ALDH1A3: variants seen among roughly 807,000 people sequenced by gnomAD.
ALDH1A3 encodes the protein aldehyde dehydrogenase 1 family member A3.
In ALDH1A3, 28 loss-of-function variants were observed where a neutral mutation model predicts 57.5. That is an observed-to-expected ratio of 0.49 (90% confidence interval 0.36 to 0.67). The LOEUF (loss-of-function observed/expected upper bound fraction) is 0.67. Ranked by LOEUF, ALDH1A3 falls within the 30% of genes least tolerant of loss-of-function variation. ALDH1A3 has a pLI of 0.00. For synonymous variants in ALDH1A3, 281 were observed against 264.8 expected, an observed-to-expected ratio of 1.06 and a Z score of -0.59; for missense variants, 507 against 669.4, an observed-to-expected ratio of 0.76 and a Z score of 2.68.
rs1243735544 is a variant in ALDH1A3 at position 100,916,421 on chromosome 15, T to C, written c.*1648T>C. The stretch of plus-strand genomic sequence containing the variant: ...GTAGAGTTATTGTATCTTTTTATAG[T>C]TGTAAGTACACAGAGGTGGTATATT... On this transcript the variant is annotated 3_prime_UTR_variant, in exon 13 of 13. Transcript: ENST00000329841. 6.6e-6 allele frequency: 1 copy of C among 152,586 alleles called. No individual in the cohort carries two copies. Among genetic ancestry groups the C allele is most frequent in the Non-Finnish European group, 1.5e-5 (1 of 68,042 alleles). 9.5% of individuals were successfully genotyped at this position (152,586 alleles called of 1,614,324 possible). A position where few individuals can be genotyped will look rare whatever the true frequency, so the allele number is the denominator to read the frequency against.
At chr15:100,885,065 T>A (rs575339685) in intron 1 of ALDH1A3, among the ~76,000 whole-genome samples, 2 of 152,286 alleles carry the variant, frequency 1.3e-5, no homozygotes, top group South Asian at 4.1e-4. Context: ...GAATTTCGAG[T>A]CTGTCCTAGT....
rs376734166 is a variant in ALDH1A3 at position 100,913,378 on chromosome 15, G to T, written c.1467-1323G>T. ...TTCCTTTTTGGAGGTTCTCAGGAGA[G>T]AATCTACTTCCTTGCCTTTTCCATC... On this transcript the variant is annotated intron_variant, in intron 12 of 12. Transcript: ENST00000329841. 2.7e-4 allele frequency: 41 copies of T among 152,358 alleles called. 1 individual carries two copies. Among genetic ancestry groups the T allele is most frequent in the African/African-American group, 9.4e-4 (39 of 41,578 alleles). The allele number at this position is 152,358 out of a possible 1,614,324, so 9.4% of individuals were successfully genotyped here. A position where few individuals can be genotyped will look rare whatever the true frequency, so the allele number is the denominator to read the frequency against.
intron 1 of ALDH1A3, 81 bp from the exon 2 acceptor site, chr15:100,885,186 A>G: frequency 1.0e-6 from 1 of 965,136 alleles, no homozygotes; most frequent in East Asian, 2.4e-5. Context: ...GATGGATAAG[A>G]CGTCACCTAA....
At chr15:100,880,396 A>C in intron 1 of ALDH1A3, 1 of 371,120 alleles carries the variant, frequency 2.7e-6, no homozygotes, top group Non-Finnish European at 4.8e-6. Flanking sequence ...CCCTGCGATG[A>C]TTTCCAGGGT....
Position 100,893,043 on chromosome 15 carries a change from G to A in ALDH1A3, c.537+37G>A. 1.3e-6 allele frequency: 2 copies of A among 1,581,770 alleles called. No homozygotes were observed. The highest frequency in any genetic ancestry group is 1.7e-6 in the Non-Finnish European group (2 of 1,154,068). On this transcript the variant is annotated intron_variant, in intron 5 of 12. Coordinates refer to ENST00000329841, the MANE Select transcript of ALDH1A3 (RefSeq NM_000693.4). This position sits in a 1 kb window ranked among gnomAD's most constrained non-coding sequence, Gnocchi z 4.8. ...AGCCTTTCTCAGTAGATTCTATGTA[G>A]ATCCTGCCCCACTGCCCTGTGTCCT...
chr15:100,907,146 T>G lies in ALDH1A3; in HGVS notation c.1259T>G (p.Leu420Arg). The G allele has an allele frequency of 1.2e-6, 2 of 1,614,084 alleles. No homozygotes were observed. The highest frequency in any genetic ancestry group is 1.7e-6 in the Non-Finnish European group (2 of 1,179,994). ...ATTTTCGGGCCAGTGCAACCAATAC[T>G]GAAGTTCAAAAGTATCGAAGAAGTG... The part of the protein sequence containing the change: ...EEIFGPVQPI[L>R]KFKSIEEVIK... The change falls in exon 11 of 13, where the codon CTG becomes CGG. Residue 420 changes from leucine to arginine, a missense_variant. Coordinates refer to ENST00000329841, the MANE Select transcript of ALDH1A3 (RefSeq NM_000693.4).
Position 100,894,099 on chromosome 15 carries a change from G to T in ALDH1A3, c.666+17G>T, listed in dbSNP as rs771998428. 12 of 1,613,038 alleles carry T rather than the reference G, an allele frequency of 7.4e-6. No homozygotes were observed. The highest frequency in any genetic ancestry group is 8.5e-7 in the Non-Finnish European group (1 of 1,179,594). ...ATCAAAGAGGTGAGACATCCAAAAAGAAAATATCACATGTTCTTGGTAACA... is the reference window on the plus strand; with the variant it reads ...ATCAAAGAGGTGAGACATCCAAAAATAAAATATCACATGTTCTTGGTAACA... On this transcript the variant is annotated intron_variant, in intron 6 of 12. Coordinates refer to ENST00000329841, the MANE Select transcript of ALDH1A3 (RefSeq NM_000693.4). This position sits in a 1 kb window ranked among gnomAD's most constrained non-coding sequence, Gnocchi z 4.5.
rs772326662 is a variant in ALDH1A3, at chr15:100,892,955, C to T, written c.486C>T (p.Val162=). ...QGKTIPTDDN[V]VCFTRHEPIG... ...GTAACCCTCTTCCAGATGACAACGT[C>T]GTGTGCTTCACCAGGCATGAGCCCA... Residue 162 remains valine, a synonymous_variant, in exon 5 of 13, where the codon GTC becomes GTT. Transcript: ENST00000329841. 1.1e-5 allele frequency: 17 copies of T among 1,613,978 alleles called. No homozygotes were observed. Among genetic ancestry groups the T allele is most frequent in the Admixed American group, 3.3e-5 (2 of 59,998 alleles).
In ALDH1A3 at chr15:100,893,825, C is replaced by T. The variant is rs2041674963; in HGVS notation, c.538-129C>T. 3.1e-6 allele frequency: 4 copies of T among 1,297,548 alleles called. No homozygotes were observed. The highest frequency in any genetic ancestry group is 2.8e-4 in the Middle Eastern group (1 of 3,612). 80.4% of individuals were successfully genotyped at this position (1,297,548 alleles called of 1,614,324 possible). On this transcript the variant is annotated intron_variant, in intron 5 of 12. Transcript: ENST00000329841. The surrounding 1 kb of genome is among the most constrained non-coding windows in gnomAD (Gnocchi z 4.8). ...TTGCAGTTCTGATCATTGCACACTC[C>T]TATGTTACCCCACATACCCCAAATC...
At chr15:100,908,334 G>C (rs879424694) in intron 11 of ALDH1A3, 74 bp from the exon 12 acceptor site, 1 of 1,258,762 alleles carries the variant, frequency 7.9e-7, no homozygotes, top group African/African-American at 1.5e-5. Flanking sequence ...TGCACTGGGG[G>C]CTAAGTGGCT....
At chr15:100,897,910 T>C (rs2041723635) in intron 7 of ALDH1A3, 173 bp from the exon 8 acceptor site, 3 of 558,854 alleles carry the variant, frequency 5.4e-6, no homozygotes, top group Admixed American at 3.0e-5. Context: ...TGGGAGGAGA[T>C]GCTGGCAGAG....
Position 100,905,661 on chromosome 15 carries a change from G to A in ALDH1A3, c.1207G>A (p.Asp403Asn). 5 of 1,597,796 alleles carry A rather than the reference G, an allele frequency of 3.1e-6. No individual in the cohort carries two copies. Among genetic ancestry groups the A allele is most frequent in the Non-Finnish European group, 4.3e-6 (5 of 1,171,728 alleles). The change falls in exon 10 of 13, where the codon GAC (aspartate) becomes AAC (asparagine). Residue 403 changes from aspartate (D) to asparagine (N), a missense_variant. This residue lies in a region of ALDH1A3 where 432 missense variants were observed against 608.4 expected (regional missense o/e 0.71). Coordinates refer to ENST00000329841, the MANE Select transcript of ALDH1A3 (RefSeq NM_000693.4). ...IKPTVFSEVT[D>N]NMRIAKEEIF... ...ACCCACTGTCTTCTCAGAAGTCACA[G>A]ACAACATGCGGATTGCCAAAGAGGA...
chr15:100,900,590 A>G lies in ALDH1A3; in HGVS notation c.899A>G (p.Glu300Gly). The change falls in exon 9 of 13, where the codon GAG becomes GGG. Residue 300 changes from glutamate (E) to glycine (G), a missense_variant. Glu to Gly is a moderately conservative substitution (Grantham distance 98). This residue lies in a region of ALDH1A3 where 432 missense variants were observed against 608.4 expected (regional missense o/e 0.71). Coordinates refer to ENST00000329841, the MANE Select transcript of ALDH1A3 (RefSeq NM_000693.4). ...CCCCCTCCAGTGGACTTGGCAGTGG[A>G]GTGTGCCCATCAGGGAGTGTTCTTC... ...CADADLDLAV[E>G]CAHQGVFFNQ... The G allele has an allele frequency of 6.3e-7, 1 of 1,592,756 alleles. No individual in the cohort carries two copies. Among genetic ancestry groups the G allele is most frequent in the Non-Finnish European group, 8.6e-7 (1 of 1,168,770 alleles).
chr15:100,901,476 C>A (rs999509000), intron 9 of ALDH1A3, among the ~76,000 whole-genome samples: 1 of 152,136 alleles, frequency 6.6e-6, no homozygotes, highest in African/African-American at 2.4e-5. Flanking sequence ...GTCACATGTC[C>A]GTGACTTACC....
chr15:100,892,571 G>C lies in ALDH1A3; in HGVS notation c.407G>C (p.Gly136Ala). ...FLHAFFIDLE[G>A]CIRTLRYFAG... Reference sequence around the variant, plus strand: ...CATGCTTTTTTCATCGACCTGGAGGGCTGTATTAGAACCCTCAGATACTTT... The same window carrying C: ...CATGCTTTTTTCATCGACCTGGAGGCCTGTATTAGAACCCTCAGATACTTT... The change falls in exon 4 of 13, where the codon GGC (glycine) becomes GCC (alanine). Residue 136 changes from glycine (G) to alanine (A), a missense_variant. By Grantham distance (60) the Gly-to-Ala change is moderately conservative (BLOSUM62 0). Around this residue, in one of 2 missense-constraint regions of ALDH1A3, gnomAD observed 432 missense variants for 608.4 expected, o/e 0.71. Transcript: ENST00000329841. 6.2e-7 allele frequency: 1 copy of C among 1,613,400 alleles called. No homozygotes were observed. Among genetic ancestry groups the C allele is most frequent in the Non-Finnish European group, 8.5e-7 (1 of 1,179,772 alleles).
At chr15:100,880,107 C>T in intron 1 of ALDH1A3, 101 bp downstream of exon 1, 11 of 848,654 alleles carry the variant, frequency 1.3e-5, no homozygotes, top group Non-Finnish European at 1.7e-5. Context: ...GGGGGTCCGC[C>T]GGGCGCCGCC....
At chr15:100,886,817 C>T (rs940175815) in intron 2 of ALDH1A3, among the ~76,000 whole-genome samples, 1 of 152,194 alleles carries the variant, frequency 6.6e-6, no homozygotes, top group African/African-American at 2.4e-5. Flanking sequence ...GGGAGAAAAA[C>T]GGCCTTCATG....
At position 100,887,638 on chromosome 15, in the gene ALDH1A3, C is replaced by T; in HGVS notation, c.271C>T (p.Leu91=). 1 of 1,612,112 alleles carries T rather than the reference C, an allele frequency of 6.2e-7. No homozygotes were observed. The highest frequency in any genetic ancestry group is 8.5e-7 in the Non-Finnish European group (1 of 1,179,140). The change falls in exon 3 of 13, where the codon CTG becomes TTG. Residue 91 remains leucine (L), a synonymous_variant. Coordinates refer to ENST00000329841, the MANE Select transcript of ALDH1A3 (RefSeq NM_000693.4). The surrounding 1 kb of genome is among the most constrained non-coding windows in gnomAD (Gnocchi z 4.6). ...AFQRGSPWRR[L]DALSRGRLLH... Reference sequence around the variant, plus strand: ...CCAGAGGGGCTCGCCATGGCGCCGGCTGGATGCCCTGAGTCGTGGGCGGCT... The same window carrying T: ...CCAGAGGGGCTCGCCATGGCGCCGGTTGGATGCCCTGAGTCGTGGGCGGCT...
At chr15:100,900,009 G>A (rs4646672) in intron 8 of ALDH1A3, among the ~76,000 whole-genome samples, 14,011 of 152,184 alleles carry the variant, frequency 0.092, 1,280 homozygotes, top group African/African-American at 0.24. Context: ...TCCACTAAGC[G>A]TGTCCCCCAA....
Sources: gnomAD v4.1 joint callset for allele counts (sites outside exome capture counted in the v4.1 genomes callset) on GRCh38, gnomAD v4.1.1 for gene constraint, gnomAD v4.1.1 regional missense constraint, Gnocchi (gnomAD v3.1) non-coding constraint, MANE v1.5 for transcripts, NCBI Gene and HGNC (gene_info 2026-07-23, HGNC 2026-07-21) for gene names.